Variants in TCF4 observed in about 807,000 individuals in gnomAD.
TCF4 encodes the protein transcription factor 4.
Under a neutral mutation model 82.1 loss-of-function variants are expected in TCF4, and 3 were observed. That is an observed-to-expected ratio of 0.04 (90% CI 0.02 to 0.09). The LOEUF (loss-of-function observed/expected upper bound fraction) is 0.09. Among genes scored for constraint, TCF4 ranks in the 10% least tolerant of loss-of-function variants. The pLI is 1.00. For missense variants in TCF4, 518 were observed against 852.7 expected, an observed-to-expected ratio of 0.61 and a Z score of 4.89; for synonymous variants, 276 against 309.6, an observed-to-expected ratio of 0.89 and a Z score of 1.14.
In TCF4 at chr18:55,232,186, A is replaced by G. The variant is rs1377154239; in HGVS notation, c.1649+323T>C. The G allele has an allele frequency of 3.8e-5, 10 of 263,774 alleles. No homozygotes were observed. In the South Asian group the frequency reaches 5.3e-4, roughly 14 times the overall value. 16.3% of individuals were successfully genotyped at this position (263,774 alleles called of 1,614,324 possible). On this transcript the variant is annotated intron_variant, in intron 17 of 19. Transcript: ENST00000354452. ...ACATGGCTACAATCTCTTTTTAGAA[A>G]TATTATAGACACAACATTTCTGACC...
intron 6 of TCF4, 121 bp downstream of exon 6, chr18:55,403,333 T>C (rs1439094229): frequency 1.9e-6 from 2 of 1,064,024 alleles, no homozygotes; most frequent in South Asian, 1.3e-5. Context: ...GAGAGAGCCA[T>C]CATCTGACTT....
chr18:55,394,563 C>T (rs1057102392), intron 6 of TCF4, among the ~76,000 whole-genome samples: 2 of 152,026 alleles, frequency 1.3e-5, no homozygotes, highest in African/African-American at 4.8e-5. Context: ...GGTGAAGTGC[C>T]GGGCGAAAGT....
intron 3 of TCF4, among the ~76,000 whole-genome samples, chr18:55,567,530 T>C (rs2097420406): frequency 6.6e-6 from 1 of 152,122 alleles, no homozygotes; most frequent in African/African-American, 2.4e-5. Context: ...CTGGCCAACA[T>C]GGTGAAACCC....
At chr18:55,344,729 C>A (rs1002897837) in intron 8 of TCF4, among the ~76,000 whole-genome samples, 1 of 152,114 alleles carries the variant, frequency 6.6e-6, no homozygotes. Context: ...TCAGGCACCA[C>A]TCCTTAGAAG....
intron 3 of TCF4, among the ~76,000 whole-genome samples, chr18:55,561,015 T>C (rs1188123567): frequency 6.6e-6 from 1 of 152,282 alleles, no homozygotes; most frequent in African/African-American, 2.4e-5. Flanking sequence ...CTAGCCAAAC[T>C]TTGAGTATCC....
At chr18:55,250,540 T>C (rs1030827455) in intron 15 of TCF4, among the ~76,000 whole-genome samples, 1 of 152,244 alleles carries the variant, frequency 6.6e-6, no homozygotes, top group Non-Finnish European at 1.5e-5. Flanking sequence ...TAAATCCCGC[T>C]GCAGGACTTG....
chr18:55,314,756 T>G (rs1485569522), intron 8 of TCF4, among the ~76,000 whole-genome samples: 1 of 151,810 alleles, frequency 6.6e-6, no homozygotes, highest in Admixed American at 6.6e-5. Flanking sequence ...AAAAGGAGTG[T>G]TTCCATACTG....
Position 55,357,208 on chromosome 18 carries a change from C to T in TCF4, c.370-6205G>A, listed in dbSNP as rs573270737. ...TTTCTGAAAATCCATTCTGGAATCC[C>T]AGGTCATCTATTATATATTAAAAGG... On this transcript the variant is annotated intron_variant, in intron 6 of 19. Coordinates refer to ENST00000354452, the MANE Select transcript of TCF4 (RefSeq NM_001083962.2). 3.9e-5 allele frequency among the ~76,000 whole-genome samples: 6 copies of T among 152,110 alleles called. No individual in the cohort carries two copies. In the East Asian group the frequency reaches 1.2e-3, roughly 29 times the overall value.
intron 3 of TCF4, among the ~76,000 whole-genome samples, chr18:55,497,984 A>G (rs2096656291): frequency 6.6e-6 from 1 of 152,258 alleles, no homozygotes; most frequent in African/African-American, 2.4e-5. Context: ...TGTTATACCT[A>G]CTGACAAAAA....
At chr18:55,357,823 T>C (rs2083968942) in intron 6 of TCF4, among the ~76,000 whole-genome samples, 1 of 152,212 alleles carries the variant, frequency 6.6e-6, no homozygotes, top group Non-Finnish European at 1.5e-5. Context: ...TATAGCCTAA[T>C]GGCCAACTCT....
At chr18:55,467,076 T>C (rs1417562487) in intron 3 of TCF4, among the ~76,000 whole-genome samples, 1 of 152,156 alleles carries the variant, frequency 6.6e-6, no homozygotes. Flanking sequence ...GACAAATCAC[T>C]AGCTCTCCCA....
chr18:55,333,057 C>T (rs896440369), intron 8 of TCF4, among the ~76,000 whole-genome samples: 3 of 152,146 alleles, frequency 2.0e-5, no homozygotes, highest in African/African-American at 7.2e-5. Context: ...TTAAATAAAA[C>T]CTTTCAACAT....
intron 3 of TCF4, among the ~76,000 whole-genome samples, chr18:55,582,942 G>C (rs967567826): frequency 6.6e-6 from 1 of 152,090 alleles, no homozygotes; most frequent in Non-Finnish European, 1.5e-5. Flanking sequence ...GCAAAATGCA[G>C]TATTCATGAT....
intron 6 of TCF4, among the ~76,000 whole-genome samples, chr18:55,376,565 T>C (rs973788302): frequency 1.9e-4 from 29 of 152,194 alleles, no homozygotes; most frequent in Non-Finnish European, 4.1e-4. Context: ...CAAACCTAAG[T>C]ATGCAAAGAG....
chr18:55,234,722 C>T, intron 15 of TCF4, 39 bp from the exon 16 acceptor site: 1 of 1,613,428 alleles, frequency 6.2e-7, no homozygotes, highest in Non-Finnish European at 8.5e-7. Flanking sequence ...GAGCAGGAAC[C>T]GGAGGTGCGA....
At chr18:55,626,929 A>G (rs1261097955) in intron 2 of TCF4, among the ~76,000 whole-genome samples, 2 of 152,256 alleles carry the variant, frequency 1.3e-5, no homozygotes, top group Non-Finnish European at 2.9e-5. Flanking sequence ...TAAAATCACT[A>G]AACACTGAAA....
At position 55,426,421 on chromosome 18, in the gene TCF4, C is replaced by T. The variant is rs931946602; in HGVS notation, c.305-22903G>A. Among the ~76,000 whole-genome samples the T allele has an allele frequency of 5.9e-5, 9 of 152,098 alleles. No homozygotes were observed. In the South Asian group the frequency reaches 1.7e-3, roughly 28 times the overall value. Reference sequence around the variant, plus strand: ...AGAACCAAATTTAAGTCAATACCCACAAAAAGAGTGAACTTTGGGCAAGCA... The same window carrying T: ...AGAACCAAATTTAAGTCAATACCCATAAAAAGAGTGAACTTTGGGCAAGCA... On this transcript the variant is annotated intron_variant, in intron 5 of 19. Coordinates refer to ENST00000354452, the MANE Select transcript of TCF4 (RefSeq NM_001083962.2).
At chr18:55,293,567 A>T (rs2065637517) in intron 8 of TCF4, among the ~76,000 whole-genome samples, 1 of 152,216 alleles carries the variant, frequency 6.6e-6, no homozygotes, top group Non-Finnish European at 1.5e-5. Flanking sequence ...TCGTTAATAG[A>T]TAGAGGTTCT....
At chr18:55,556,909 T>C (rs1187428120) in intron 3 of TCF4, among the ~76,000 whole-genome samples, 2 of 152,186 alleles carry the variant, frequency 1.3e-5, no homozygotes, top group Non-Finnish European at 2.9e-5. Flanking sequence ...CAAAGTACTT[T>C]AAGAGTAATT....
Sources: gnomAD v4.1 joint callset for allele counts (sites outside exome capture counted in the v4.1 genomes callset) on GRCh38, gnomAD v4.1.1 for gene constraint, MANE v1.5 for transcripts, NCBI Gene and HGNC (gene_info 2026-07-23, HGNC 2026-07-21) for gene names.